FMO3: variants seen among roughly 807,000 people sequenced by gnomAD.
FMO3 encodes the protein flavin containing dimethylaniline monoxygenase 3.
A neutral mutation model predicts 39.4 loss-of-function variants in FMO3; 40 were observed. That is an observed-to-expected ratio of 1.02 (90% CI 0.79 to 1.32). FMO3 has a LOEUF of 1.32. Among genes scored for constraint, FMO3 ranks in the 40% most tolerant of loss-of-function variants. The probability of loss-of-function intolerance (pLI) is 0.00; values close to 1 mark genes in which losing one functional copy is unlikely to be tolerated. For missense variants in FMO3, 680 were observed against 651.8 expected (o/e 1.04, Z -0.47); for synonymous variants, 219 against 228.8 (o/e 0.96, Z 0.39).
In FMO3 at chr1:171,099,598, A is replaced by G. The variant is rs542780158; in HGVS notation, c.133-4187A>G. 2.5e-3 allele frequency among the ~76,000 whole-genome samples: 375 copies of G among 151,750 alleles called. 1 individual carries two copies. The highest frequency in any genetic ancestry group is 3.7e-3 in the Non-Finnish European group (248 of 67,944). On this transcript the variant is annotated intron_variant, in intron 2 of 8. Coordinates refer to ENST00000367755, the MANE Select transcript of FMO3 (RefSeq NM_001002294.3). ...TATATTTTTTTTCCTTTTACAAATG[A>G]ATTTGAAGCTTTAAAAGAAAAGAAA...
intron 2 of FMO3, among the ~76,000 whole-genome samples, chr1:171,096,681 A>T: frequency 7.3e-6 from 1 of 136,972 alleles, no homozygotes; most frequent in South Asian, 2.2e-4. Context: ...TTTTATATTT[A>T]AAATATAATT....
At chr1:171,107,482 A>G (rs2101912799) in intron 3 of FMO3, among the ~76,000 whole-genome samples, 193 bp from the exon 4 acceptor site, 1 of 152,374 alleles carries the variant, frequency 6.6e-6, no homozygotes, top group South Asian at 2.1e-4. Context: ...CTGGTTATGC[A>G]CAAGAAATCA....
chr1:171,092,511 G>T lies in FMO3; in HGVS notation c.-6-142G>T, dbSNP rs375646780. The stretch of plus-strand genomic sequence containing the variant: ...CTCCCAAAGTGCTGGGATTACAGGC[G>T]TGAGCTACCATACTCAGCCAGTGTT... On this transcript the variant is annotated intron_variant, in intron 1 of 8. Coordinates refer to ENST00000367755, the MANE Select transcript of FMO3 (RefSeq NM_001002294.3). 1.1e-3 allele frequency: 1,074 copies of T among 938,488 alleles called. 7 individuals carry two copies. The highest frequency in any genetic ancestry group is 9.3e-3 in the Middle Eastern group (28 of 3,006). The allele number at this position is 938,488 out of a possible 1,614,324, so 58.1% of individuals were successfully genotyped here. A position where few individuals can be genotyped will look rare whatever the true frequency, so the allele number is the denominator to read the frequency against.
chr1:171,094,368 T>C (rs1654855356), intron 2 of FMO3, among the ~76,000 whole-genome samples: 1 of 152,152 alleles, frequency 6.6e-6, no homozygotes, highest in Non-Finnish European at 1.5e-5. Context: ...GATATTTGTC[T>C]TTTGTTGAAT....
chr1:171,110,239 A>C (rs1655844711), intron 5 of FMO3, among the ~76,000 whole-genome samples: 1 of 152,162 alleles, frequency 6.6e-6, no homozygotes, highest in African/African-American at 2.4e-5. Context: ...AGTAGCAGGC[A>C]TTTTGCTTTA....
In FMO3 at chr1:171,103,973, G is replaced by A; in HGVS notation, c.321G>A (p.Lys107=). The change falls in exon 3 of 9, where the codon AAG becomes AAA. Residue 107 remains lysine (K), a splice_region_variant and synonymous_variant. Coordinates refer to ENST00000367755, the MANE Select transcript of FMO3 (RefSeq NM_001002294.3). ...EKNLLKYIQF[K]TFVSSVNKHP... is the part of the protein sequence containing the mutation. ...ACCTCCTGAAGTACATACAATTTAA[G>A]GTAAGATGTTATCAACAATTTAGCT... 6.2e-7 allele frequency: 1 copy of A among 1,605,404 alleles called. No individual in the cohort carries two copies. The highest frequency in any genetic ancestry group is 8.5e-7 in the Non-Finnish European group (1 of 1,172,368).
At chr1:171,100,146 C>T (rs560782868) in intron 2 of FMO3, 2 of 152,158 alleles carry the variant, frequency 1.3e-5, no homozygotes, top group East Asian at 1.9e-4. Flanking sequence ...GTTTGCAAGA[C>T]GTTGCTGAAG....
chr1:171,107,776 T>G lies in FMO3; in HGVS notation c.423T>G (p.Asp141Glu). The change falls in exon 4 of 9, where the codon GAT (aspartate) becomes GAG (glutamate). Residue 141 changes from aspartate (D) to glutamate (E), a missense_variant. Transcript: ENST00000367755. Reference protein sequence around the residue: ...RDGKKESAVFDAVMVCSGHHV... With the variant: ...RDGKKESAVFEAVMVCSGHHV... ...GTAAAAAAGAATCGGCTGTCTTTGA[T>G]GCTGTAATGGTTTGTTCCGGACATC... 6.2e-7 allele frequency: 1 copy of G among 1,613,972 alleles called. No individual in the cohort carries two copies. Among genetic ancestry groups the G allele is most frequent in the Non-Finnish European group, 8.5e-7 (1 of 1,179,924 alleles).
At chr1:171,108,796 G>C (rs1282623140) in intron 5 of FMO3, among the ~76,000 whole-genome samples, 1 of 152,100 alleles carries the variant, frequency 6.6e-6, no homozygotes, top group African/African-American at 2.4e-5. Context: ...TCTGGAACAA[G>C]AGCTGCCACT....
intron 2 of FMO3, among the ~76,000 whole-genome samples, chr1:171,093,357 G>A (rs2064076): frequency 0.47 from 71,777 of 151,734 alleles, 17,044 homozygotes; most frequent in South Asian, 0.51. Flanking sequence ...GCTCCCAATC[G>A]TAAGTGAGAG....
At chr1:171,104,843 C>T (rs1237851774) in intron 3 of FMO3, among the ~76,000 whole-genome samples, 1 of 152,052 alleles carries the variant, frequency 6.6e-6, no homozygotes, top group Non-Finnish European at 1.5e-5. Context: ...CACTGCACTC[C>T]AGCCTGGGCG....
At chr1:171,099,494 C>G (rs138641643) in intron 2 of FMO3, among the ~76,000 whole-genome samples, 1 of 151,984 alleles carries the variant, frequency 6.6e-6, no homozygotes, top group Admixed American at 6.6e-5. Context: ...AAACTTAGGG[C>G]TATTTTATCA....
intron 6 of FMO3, among the ~76,000 whole-genome samples, chr1:171,111,777 A>G (rs1219561203): frequency 6.6e-6 from 1 of 152,228 alleles, no homozygotes; most frequent in African/African-American, 2.4e-5. Flanking sequence ...CGTTTATTAT[A>G]TGCCACATCC....
intron 6 of FMO3, among the ~76,000 whole-genome samples, 196 bp downstream of exon 6, chr1:171,111,193 T>C (rs914544911): frequency 6.6e-6 from 1 of 152,198 alleles, no homozygotes; most frequent in Admixed American, 6.5e-5. Context: ...TGGAAAATTA[T>C]ATAATGCCTC....
intron 2 of FMO3, among the ~76,000 whole-genome samples, chr1:171,096,068 ATAT>A (rs1557933328): frequency 1.5e-5 from 1 of 65,120 alleles, no homozygotes; most frequent in Non-Finnish European, 2.4e-5. Context: ...TATATATTAT[ATAT>A]TAATATATAA....
intron 2 of FMO3, among the ~76,000 whole-genome samples, chr1:171,097,011 A>G (rs1035743975): frequency 1.3e-5 from 2 of 150,388 alleles, no homozygotes; most frequent in African/African-American, 4.9e-5. Context: ...TCATTGTTCA[A>G]TTCCCATCTA....
intron 2 of FMO3, among the ~76,000 whole-genome samples, chr1:171,094,780 C>G (rs1654875688): frequency 6.6e-6 from 1 of 152,142 alleles, no homozygotes; most frequent in African/African-American, 2.4e-5. Context: ...CTTCTCTATT[C>G]TGTTCCACTG....
chr1:171,091,759 T>A (rs1339672441), intron 1 of FMO3, among the ~76,000 whole-genome samples: 3 of 152,062 alleles, frequency 2.0e-5, no homozygotes, highest in African/African-American at 4.8e-5. Context: ...ACCATTTACT[T>A]GTCTTTTTAA....
intron 2 of FMO3, chr1:171,101,815 A>G: frequency 4.1e-6 from 2 of 493,426 alleles, no homozygotes; most frequent in Non-Finnish European, 8.5e-6. Context: ...CTCTTTTCTC[A>G]GGAGCTCCCC....
Sources: allele counts gnomAD v4.1 joint callset (sites outside exome capture counted in the v4.1 genomes callset), GRCh38; gene constraint gnomAD v4.1.1; transcripts MANE v1.5; gene names NCBI Gene and HGNC (gene_info 2026-07-23, HGNC 2026-07-21).